The following PAXBP1 variants were observed in gnomAD, a reference collection of about 807,000 sequenced individuals.
PAXBP1 encodes the protein PAX3- and PAX7-binding protein 1.
In PAXBP1, 44 loss-of-function variants were observed where a neutral mutation model predicts 119.9. The observed-to-expected ratio is 0.37, with a 90% confidence interval of 0.29 to 0.47. The LOEUF (loss-of-function observed/expected upper bound fraction) is 0.47, where lower values mean the gene tolerates loss of function less well. Ranked by LOEUF, PAXBP1 falls within the 20% of genes least tolerant of loss-of-function variation. The probability of loss-of-function intolerance (pLI) is 0.99; values close to 1 mark genes in which losing one functional copy is unlikely to be tolerated. For missense variants in PAXBP1, 898 were observed against 1,134.1 expected (o/e 0.79, Z 2.99); for synonymous variants, 393 against 406.6 (o/e 0.97, Z 0.40).
At chr21:32,757,155 A>G (rs1042456661) in intron 7 of PAXBP1, among the ~76,000 whole-genome samples, 4 of 147,780 alleles carry the variant, frequency 2.7e-5, no homozygotes, top group Admixed American at 6.7e-5. Context: ...AGCAAAGAGG[A>G]AAAAAAAAGG....
rs1014842075 is a variant in PAXBP1 at position 32,762,208 on chromosome 21, A to G, written c.759T>C (p.Leu253=). 6 of 1,614,128 alleles carry G rather than the reference A, an allele frequency of 3.7e-6. No homozygotes were observed. The highest frequency in any genetic ancestry group is 5.1e-6 in the Non-Finnish European group (6 of 1,180,006). Residue 253 remains leucine, a synonymous_variant, in exon 4 of 18, where the codon CTT becomes CTC. Coordinates refer to ENST00000331923, the MANE Select transcript of PAXBP1 (RefSeq NM_016631.4). ...PHDNEPGKGR[L]VREDENDASD... ...TGGCATCATTCTCATCTTCTCTAACAAGGCGGCCTTTACCAGGCTCATTAT... is the reference window on the plus strand; with the variant it reads ...TGGCATCATTCTCATCTTCTCTAACGAGGCGGCCTTTACCAGGCTCATTAT...
chr21:32,759,440 G>C, intron 6 of PAXBP1, 171 bp from the exon 7 acceptor site: 1 of 757,512 alleles, frequency 1.3e-6, no homozygotes, highest in East Asian at 2.8e-5. Context: ...AAAAATGGCA[G>C]TTTACAGATT....
At chr21:32,759,500 A>G in intron 6 of PAXBP1, 1 of 604,394 alleles carries the variant, frequency 1.7e-6, no homozygotes, top group Non-Finnish European at 2.8e-6. Context: ...TTTTCCCCCC[A>G]TAGCGTGACT....
rs1482017646 is a variant in PAXBP1, at chr21:32,733,922, C to T, written c.*1028G>A. 1 of 152,572 alleles carries T rather than the reference C, an allele frequency of 6.6e-6. No individual in the cohort carries two copies. The highest frequency in any genetic ancestry group is 6.5e-5 in the Admixed American group (1 of 15,282). 9.5% of individuals were successfully genotyped at this position (152,572 alleles called of 1,614,324 possible). Reference sequence around the variant, plus strand: ...GATATATTTAAAAATTAATTTAATGCTTGGCTAAATCTTAATTACATATAT... The same window carrying T: ...GATATATTTAAAAATTAATTTAATGTTTGGCTAAATCTTAATTACATATAT... On this transcript the variant is annotated 3_prime_UTR_variant, in exon 18 of 18. Coordinates refer to ENST00000331923, the MANE Select transcript of PAXBP1 (RefSeq NM_016631.4).
intron 11 of PAXBP1, 124 bp downstream of exon 11, chr21:32,748,375 A>G (rs2043906765): frequency 5.3e-6 from 4 of 754,978 alleles, no homozygotes; most frequent in Non-Finnish European, 8.5e-6. Flanking sequence ...CAATCTATCA[A>G]TTATAGCCTA....
chr21:32,751,478 T>G (rs1157716480), intron 8 of PAXBP1: 3 of 307,102 alleles, frequency 9.8e-6, no homozygotes, highest in Non-Finnish European at 1.9e-5. Context: ...TTGGGCTTAC[T>G]CACTATTTTT....
At chr21:32,758,276 C>T (rs1292066552) in intron 7 of PAXBP1, among the ~76,000 whole-genome samples, 2 of 151,626 alleles carry the variant, frequency 1.3e-5, no homozygotes, top group Non-Finnish European at 2.9e-5. Context: ...AATGTGCCTT[C>T]CAATCCAAAG....
intron 10 of PAXBP1, among the ~76,000 whole-genome samples, chr21:32,750,399 T>C (rs990437958): frequency 2.0e-5 from 3 of 152,232 alleles, no homozygotes; most frequent in African/African-American, 7.2e-5. Context: ...CTTCTCCAAC[T>C]AAGTTCCAAA....
chr21:32,750,253 C>T (rs911294987), intron 10 of PAXBP1, among the ~76,000 whole-genome samples: 2 of 152,288 alleles, frequency 1.3e-5, no homozygotes, highest in Non-Finnish European at 2.9e-5. Flanking sequence ...CACACATCTC[C>T]TTGTATAAAG....
At chr21:32,765,954 G>GT (rs1307783418) in intron 2 of PAXBP1, among the ~76,000 whole-genome samples, 1 of 152,118 alleles carries the variant, frequency 6.6e-6, no homozygotes, top group Non-Finnish European at 1.5e-5. Flanking sequence ...GGCCAATATG[G>GT]TAAGACCCTG....
Position 32,759,366 on chromosome 21 carries a change from T to C in PAXBP1, c.1194-97A>G, listed in dbSNP as rs991335999. The C allele has an allele frequency of 4.8e-5, 56 of 1,156,156 alleles. No homozygotes were observed. The Admixed American group carries it at 1.4e-3, about 30-fold the overall frequency. The allele number at this position is 1,156,156 out of a possible 1,614,324, so 71.6% of individuals were successfully genotyped here. On this transcript the variant is annotated intron_variant, in intron 6 of 17. Coordinates refer to ENST00000331923, the MANE Select transcript of PAXBP1 (RefSeq NM_016631.4). ...TTAAAATATGCATTTAGCTCCACTATTAGAACATAAAAATATTTGGAATGG... is the reference window on the plus strand; with the variant it reads ...TTAAAATATGCATTTAGCTCCACTACTAGAACATAAAAATATTTGGAATGG...
At chr21:32,767,727 C>T (rs141021808) in intron 2 of PAXBP1, among the ~76,000 whole-genome samples, 41 of 152,308 alleles carry the variant, frequency 2.7e-4, no homozygotes, top group African/African-American at 9.6e-4. Context: ...CCTTTCACCT[C>T]CTGCCATGAT....
At chr21:32,765,857 T>C (rs2044231636) in intron 2 of PAXBP1, among the ~76,000 whole-genome samples, 1 of 149,644 alleles carries the variant, frequency 6.7e-6, no homozygotes, top group Non-Finnish European at 1.5e-5. Context: ...AAACCCATGC[T>C]AGGCCAGGCA....
intron 7 of PAXBP1, 21 bp from the exon 8 acceptor site, chr21:32,755,374 C>A (rs760587233): frequency 6.2e-7 from 1 of 1,604,498 alleles, no homozygotes; most frequent in East Asian, 2.3e-5. Flanking sequence ...ACAACACACT[C>A]CGTAACACCA....
intron 7 of PAXBP1, 48 bp downstream of exon 7, chr21:32,759,032 T>G (rs1385986027): frequency 6.4e-7 from 1 of 1,572,802 alleles, no homozygotes. Context: ...CATCTAGACC[T>G]CCCTAATTTT....
At chr21:32,745,847 TATC>T (rs767223591) in intron 11 of PAXBP1, 129 bp from the exon 12 acceptor site, 33 of 1,098,104 alleles carry the variant, frequency 3.0e-5, no homozygotes, top group Non-Finnish European at 4.0e-5. Flanking sequence ...CGGCTGGAGA[TATC>T]ATGCTACCAG....
intron 3 of PAXBP1, among the ~76,000 whole-genome samples, chr21:32,763,485 G>C (rs956763508): frequency 6.6e-6 from 1 of 152,180 alleles, no homozygotes; most frequent in African/African-American, 2.4e-5. Flanking sequence ...ACTGCCACTA[G>C]TGATGTATGT....
rs190577013 is a variant in PAXBP1 at position 32,763,436 on chromosome 21, T to C, written c.649+912A>G. Among the ~76,000 whole-genome samples, 248 of 152,354 alleles carry C rather than the reference T, an allele frequency of 1.6e-3. 1 individual carries two copies. Among genetic ancestry groups the C allele is most frequent in the Non-Finnish European group, 2.6e-3 (180 of 68,034 alleles). On this transcript the variant is annotated intron_variant, in intron 3 of 17. Transcript: ENST00000331923. Reference sequence around the variant, plus strand: ...GAACATTTTGAAATCTATTGATTCATATTGCCAAAGAGCTTCCCATAAGGA... The same window carrying C: ...GAACATTTTGAAATCTATTGATTCACATTGCCAAAGAGCTTCCCATAAGGA...
chr21:32,750,820 G>A (rs2043946355), intron 10 of PAXBP1, 97 bp downstream of exon 10: 1 of 876,510 alleles, frequency 1.1e-6, no homozygotes, highest in East Asian at 2.5e-5. Context: ...TGGTTCTAAT[G>A]CAGAGACCAT....
Sources: allele counts gnomAD v4.1 joint callset (sites outside exome capture counted in the v4.1 genomes callset), GRCh38; gene constraint gnomAD v4.1.1; transcripts MANE v1.5; gene names NCBI Gene and HGNC (gene_info 2026-07-23, HGNC 2026-07-21).